The following RAB27B variants were observed in gnomAD, a reference collection of about 807,000 sequenced individuals.
RAB27B encodes RAB27B, member RAS oncogene family, also known as ras-related protein Rab-27B.
Under a neutral mutation model 24.6 loss-of-function variants are expected in RAB27B, and 15 were observed. That is an observed-to-expected ratio of 0.61 (90% CI 0.41 to 0.94). The LOEUF (loss-of-function observed/expected upper bound fraction) is 0.94, where lower values mean the gene tolerates loss of function less well. Ranked by LOEUF, RAB27B falls within the 40% of genes least tolerant of loss-of-function variation. The pLI is 0.00. For missense variants in RAB27B, 261 were observed against 266.8 expected, an observed-to-expected ratio of 0.98 and a Z score of 0.15; for synonymous variants, 105 against 92.5, an observed-to-expected ratio of 1.14 and a Z score of -0.78.
chr18:54,796,424 C>A (rs945219786), intron 2 of RAB27B, among the ~76,000 whole-genome samples: 4 of 152,176 alleles, frequency 2.6e-5, no homozygotes, highest in Non-Finnish European at 4.4e-5. Flanking sequence ...CCAGAAAAAT[C>A]GGATCACATG....
upstream of RAB27B, among the ~76,000 whole-genome samples, chr18:54,824,386 CTAAAAAATCTTCGTGGCATCAT>C (rs1174800851): frequency 1.3e-5 from 2 of 152,188 alleles, no homozygotes; most frequent in African/African-American, 2.4e-5. Flanking sequence ...GGTAACAACT[CTAAAAAATCTTCGTGGCATCAT>C]ACAATACAAG....
chr18:54,825,415 A>G (rs536339063), upstream of RAB27B, among the ~76,000 whole-genome samples: 32 of 152,188 alleles, frequency 2.1e-4, 1 homozygote, highest in South Asian at 6.4e-3. Context: ...TAGTGTTTTT[A>G]TCCTTTTCTG....
intron 2 of RAB27B, among the ~76,000 whole-genome samples, chr18:54,791,074 G>A (rs928075208): frequency 3.5e-4 from 54 of 152,152 alleles, no homozygotes; most frequent in African/African-American, 1.3e-3. Flanking sequence ...TAAGAAGGTG[G>A]CCCCAGATGA....
intron 2 of RAB27B, among the ~76,000 whole-genome samples, chr18:54,755,995 T>C (rs2145041385): frequency 6.6e-6 from 1 of 152,332 alleles, no homozygotes; most frequent in South Asian, 2.1e-4. Flanking sequence ...ACTGTTTTGA[T>C]TGGCTGTTTC....
intron 2 of RAB27B, among the ~76,000 whole-genome samples, chr18:54,740,871 G>A (rs1396042055): frequency 6.6e-6 from 1 of 152,132 alleles, no homozygotes; most frequent in African/African-American, 2.4e-5. Context: ...AATGAAATGA[G>A]GAGATTTTAC....
chr18:54,729,801 A>T (rs1381274227), intron 2 of RAB27B, among the ~76,000 whole-genome samples: 4 of 152,306 alleles, frequency 2.6e-5, no homozygotes, highest in East Asian at 3.9e-4. Flanking sequence ...CTTTAGATTT[A>T]AAAAAATAAT....
At chr18:54,767,467 T>C (rs1568058301) in intron 2 of RAB27B, among the ~76,000 whole-genome samples, 2 of 152,178 alleles carry the variant, frequency 1.3e-5, no homozygotes, top group Admixed American at 1.3e-4. Flanking sequence ...ATACCACCAG[T>C]AGATGGTGAT....
intron 2 of RAB27B, among the ~76,000 whole-genome samples, chr18:54,785,094 T>C (rs1909039962): frequency 7.9e-6 from 1 of 126,266 alleles, no homozygotes; most frequent in South Asian, 3.0e-4. Flanking sequence ...TGCCCTTCCA[T>C]CTGGCTGAAT....
chr18:54,836,662 AT>A (rs1329739541), intron 1 of RAB27B, among the ~76,000 whole-genome samples: 11 of 152,004 alleles, frequency 7.2e-5, no homozygotes, highest in Non-Finnish European at 1.6e-4. Flanking sequence ...CCAGTAGAAT[AT>A]TTTTGACTTA....
rs534953089 is a variant in RAB27B, at chr18:54,889,443, C to T, written c.*30C>T. ...TACATAGAAACTGAACATCAAGAAC[C>T]CCACCAAAATATTACTTTTAAAAAC... On this transcript the variant is annotated 3_prime_UTR_variant, in exon 6 of 6. Coordinates refer to ENST00000262094, the MANE Select transcript of RAB27B (RefSeq NM_004163.4). The T allele has an allele frequency of 2.6e-6, 4 of 1,561,652 alleles. No homozygotes were observed. The highest frequency in any genetic ancestry group is 1.2e-5 in the South Asian group (1 of 82,824).
chr18:54,771,697 A>G (rs1908557005), intron 2 of RAB27B, among the ~76,000 whole-genome samples: 1 of 151,784 alleles, frequency 6.6e-6, no homozygotes, highest in Non-Finnish European at 1.5e-5. Context: ...ACTCCTTCAC[A>G]TTCTCTTTAA....
intron 2 of RAB27B, among the ~76,000 whole-genome samples, chr18:54,760,406 G>A (rs1028392415): frequency 6.6e-6 from 1 of 152,178 alleles, no homozygotes; most frequent in Non-Finnish European, 1.5e-5. Flanking sequence ...TGGGGATGTA[G>A]CTTATAGACA....
At chr18:54,736,764 G>T (rs544529463) in intron 2 of RAB27B, among the ~76,000 whole-genome samples, 2 of 152,102 alleles carry the variant, frequency 1.3e-5, no homozygotes, top group African/African-American at 4.8e-5. Flanking sequence ...AGGAATTTCA[G>T]GAAGGAGATA....
chr18:54,841,076 G>A (rs1292392741), intron 1 of RAB27B, among the ~76,000 whole-genome samples: 1 of 148,722 alleles, frequency 6.7e-6, no homozygotes, highest in African/African-American at 2.5e-5. Flanking sequence ...AACCCGGGAG[G>A]CAGAAGTTGC....
intron 2 of RAB27B, among the ~76,000 whole-genome samples, chr18:54,815,665 T>G (rs1459224284): frequency 6.6e-6 from 1 of 152,236 alleles, no homozygotes; most frequent in Non-Finnish European, 1.5e-5. Context: ...TTTAATAATT[T>G]GCTATTAAAG....
At chr18:54,808,856 G>A (rs1568074588) in intron 2 of RAB27B, among the ~76,000 whole-genome samples, 1 of 152,174 alleles carries the variant, frequency 6.6e-6, no homozygotes, top group Non-Finnish European at 1.5e-5. Flanking sequence ...ATATCTAGCT[G>A]TGCTAAAAAA....
intron 2 of RAB27B, among the ~76,000 whole-genome samples, chr18:54,741,914 T>C (rs147335573): frequency 1.3e-5 from 2 of 152,196 alleles, no homozygotes; most frequent in Non-Finnish European, 1.5e-5. Context: ...TCTGAAGACA[T>C]AGTCTAGAGT....
intron 2 of RAB27B, among the ~76,000 whole-genome samples, chr18:54,771,272 A>T (rs1444312349): frequency 1.3e-5 from 2 of 152,218 alleles, no homozygotes; most frequent in Non-Finnish European, 2.9e-5. Flanking sequence ...AAAAAACTGC[A>T]CATGTTTAAT....
intron 2 of RAB27B, among the ~76,000 whole-genome samples, chr18:54,783,737 C>T (rs1239356211): frequency 6.6e-6 from 1 of 152,286 alleles, no homozygotes; most frequent in African/African-American, 2.4e-5. Context: ...GTCCCTGCTT[C>T]CCTCTGGGCA....
Sources: allele counts gnomAD v4.1 joint callset (sites outside exome capture counted in the v4.1 genomes callset), GRCh38; gene constraint gnomAD v4.1.1; transcripts MANE v1.5; gene names NCBI Gene and HGNC (gene_info 2026-07-23, HGNC 2026-07-21).